Variants in GSTA2 observed in about 807,000 individuals in gnomAD.
GSTA2 encodes glutathione S-transferase A2.
A neutral mutation model predicts 22.4 loss-of-function variants in GSTA2; 27 were observed. The ratio of observed to expected loss-of-function variants is 1.21; its 90% CI spans 0.89 to 1.67. The LOEUF is 1.67. Among genes scored for constraint, GSTA2 ranks in the 40% most tolerant of loss-of-function variants. The pLI, the probability that GSTA2 is intolerant of heterozygous loss-of-function variation, is 0.00. For missense variants in GSTA2, 302 were observed against 260.2 expected (o/e 1.16, Z -1.11); for synonymous variants, 121 against 86.8 (o/e 1.39, Z -2.19).
chr6:52,762,113 C>G (rs1762961406), intron 1 of GSTA2, among the ~76,000 whole-genome samples: 1 of 148,556 alleles, frequency 6.7e-6, no homozygotes, highest in Admixed American at 6.6e-5. Flanking sequence ...CCCAGGGACA[C>G]AAAACACTGC....
intron 4 of GSTA2, among the ~76,000 whole-genome samples, 180 bp downstream of exon 4, chr6:52,754,763 C>A (rs1484943519): frequency 6.6e-6 from 1 of 152,118 alleles, no homozygotes; most frequent in Non-Finnish European, 1.5e-5. Context: ...TCGCCTGAAC[C>A]CTCCCCATGT....
chr6:52,751,420 C>T (rs577964113), intron 6 of GSTA2, among the ~76,000 whole-genome samples, 157 bp downstream of exon 6: 11 of 152,204 alleles, frequency 7.2e-5, no homozygotes, highest in African/African-American at 2.4e-4. Flanking sequence ...GTTTTCATTC[C>T]TCAAAATTGG....
chr6:52,752,930 T>C lies in GSTA2; in HGVS notation c.338A>G (p.Gln113Arg). Residue 113 changes from glutamine to arginine, a missense_variant, in exon 5 of 7, where the codon CAA becomes CGA. Coordinates refer to ENST00000493422, the MANE Select transcript of GSTA2 (RefSeq NM_000846.5). ...AAGCTTGGCATCTTGTTCCTCAGGT[T>C]GACTAAAGGGCAGAAGAAGGATCAT... is the stretch of plus-strand genomic sequence containing the variant. ...GEMILLLPFS[Q>R]PEEQDAKLAL... 6.2e-7 allele frequency: 1 copy of C among 1,614,028 alleles called. No homozygotes were observed. The highest frequency in any genetic ancestry group is 8.5e-7 in the Non-Finnish European group (1 of 1,179,902).
intron 4 of GSTA2, among the ~76,000 whole-genome samples, chr6:52,754,617 C>G (rs143803123): frequency 6.6e-6 from 1 of 152,136 alleles, no homozygotes; most frequent in Non-Finnish European, 1.5e-5. Context: ...AGCCATTGGC[C>G]GGGGTCCAGC....
Position 52,751,369 on chromosome 6 carries a change from G to A in GSTA2, c.546+208C>T, listed in dbSNP as rs569724416. On this transcript the variant is annotated intron_variant, in intron 6 of 6. Coordinates refer to ENST00000493422, the MANE Select transcript of GSTA2 (RefSeq NM_000846.5). ...TAATAAAAGGCAAAATACTCTTTGC[G>A]GGGTAGCATGCACTACAAATTTCCT... Among the ~76,000 whole-genome samples, 24 of 152,224 alleles carry A rather than the reference G, an allele frequency of 1.6e-4. 1 individual carries two copies. In the South Asian group the frequency reaches 1.9e-3, roughly 12 times the overall value.
Position 52,758,577 on chromosome 6 carries a change from C to T in GSTA2, c.-30-600G>A, listed in dbSNP as rs1054305313. 6.6e-5 allele frequency among the ~76,000 whole-genome samples: 10 copies of T among 152,246 alleles called. No homozygotes were observed. The East Asian group carries it at 1.2e-3, about 18-fold the overall frequency. On this transcript the variant is annotated intron_variant, in intron 1 of 6. Coordinates refer to ENST00000493422, the MANE Select transcript of GSTA2 (RefSeq NM_000846.5). Reference sequence around the variant, plus strand: ...AGAGGATGTCACTGACAGGGAGGACCGGCTGGGAGCTAAATCACTCTTCAG... The same window carrying T: ...AGAGGATGTCACTGACAGGGAGGACTGGCTGGGAGCTAAATCACTCTTCAG...
chr6:52,756,377 C>A, intron 2 of GSTA2, 68 bp from the exon 3 acceptor site: 2 of 1,226,468 alleles, frequency 1.6e-6, no homozygotes, highest in East Asian at 4.7e-5. Flanking sequence ...AATTGAATGG[C>A]CTCTATCTGG....
At position 52,752,917 on chromosome 6, in the gene GSTA2, T is replaced by C. The variant is rs200252041; in HGVS notation, c.351A>G (p.Gln117=). 6.2e-7 allele frequency: 1 copy of C among 1,614,122 alleles called. No individual in the cohort carries two copies. Among genetic ancestry groups the C allele is most frequent in the Non-Finnish European group, 8.5e-7 (1 of 1,179,966 alleles). Reference sequence around the variant, plus strand: ...CTTGGATCAAGGCAAGCTTGGCATCTTGTTCCTCAGGTTGACTAAAGGGCA... The same window carrying C: ...CTTGGATCAAGGCAAGCTTGGCATCCTGTTCCTCAGGTTGACTAAAGGGCA... ...LLLPFSQPEE[Q]DAKLALIQEK... The change falls in exon 5 of 7, where the codon CAA becomes CAG. Residue 117 remains glutamine (Q), a synonymous_variant. Coordinates refer to ENST00000493422, the MANE Select transcript of GSTA2 (RefSeq NM_000846.5).
Position 52,752,867 on chromosome 6 carries a change from G to A in GSTA2, c.401C>T (p.Pro134Leu), listed in dbSNP as rs750085076. ...IQEKTKNRYF[P>L]AFEKVLKSHG... ...AGCTTCACTTACTTTTTCAAAGGCA[G>A]GGAAGTAGCGATTTTTTGTTTTCTC... The change falls in exon 5 of 7, where the codon CCT (proline) becomes CTT (leucine). Residue 134 changes from proline to leucine, a missense_variant. Transcript: ENST00000493422. 10 of 1,613,870 alleles carry A rather than the reference G, an allele frequency of 6.2e-6. No individual in the cohort carries two copies. The highest frequency in any genetic ancestry group is 7.6e-6 in the Non-Finnish European group (9 of 1,179,878).
chr6:52,751,683 T>A lies in GSTA2; in HGVS notation c.440A>T (p.Tyr147Phe). 1 of 1,614,122 alleles carries A rather than the reference T, an allele frequency of 6.2e-7. No individual in the cohort carries two copies. The highest frequency in any genetic ancestry group is 8.5e-7 in the Non-Finnish European group (1 of 1,179,998). Residue 147 changes from tyrosine to phenylalanine, a missense_variant, in exon 6 of 7, where the codon TAC (tyrosine) becomes TTC (phenylalanine). Physicochemically the swap from Tyr to Phe is conservative, Grantham distance 22. Coordinates refer to ENST00000493422, the MANE Select transcript of GSTA2 (RefSeq NM_000846.5). ...EKVLKSHGQD[Y>F]LVGNKLSRAD... ...CCGGCTCAGCTTGTTGCCAACAAGG[T>A]AGTCTTGTCCGTGGCTCTTTAAGAC...
At position 52,755,088 on chromosome 6, in the gene GSTA2, G is replaced by T; in HGVS notation, c.140-13C>A. 6.2e-7 allele frequency: 1 copy of T among 1,601,180 alleles called. No individual in the cohort carries two copies. The highest frequency in any genetic ancestry group is 8.5e-7 in the Non-Finnish European group (1 of 1,176,388). On this transcript the variant is annotated splice_polypyrimidine_tract_variant and intron_variant, in intron 3 of 6. Coordinates refer to ENST00000493422, the MANE Select transcript of GSTA2 (RefSeq NM_000846.5). ...ATCAAATATCCATCTTTAAGAGGAAGAAAAAAAAGGAGAGTGAAGTGTCTA... is the reference window on the plus strand; with the variant it reads ...ATCAAATATCCATCTTTAAGAGGAATAAAAAAAAGGAGAGTGAAGTGTCTA...
rs73740536 is a variant in GSTA2, at chr6:52,756,379, T to C, written c.88-70A>G. ...TATAGACCTGTGAAATTGAATGGCCTCTATCTGGTGCATCATTTGGAGAAT... is the reference window on the plus strand; with the variant it reads ...TATAGACCTGTGAAATTGAATGGCCCCTATCTGGTGCATCATTTGGAGAAT... On this transcript the variant is annotated intron_variant, in intron 2 of 6. Coordinates refer to ENST00000493422, the MANE Select transcript of GSTA2 (RefSeq NM_000846.5). The C allele has an allele frequency of 4.2e-3, 5,040 of 1,197,048 alleles. 158 individuals carry two copies. The African/African-American group carries it at 0.063, about 15-fold the overall frequency. The allele number at this position is 1,197,048 out of a possible 1,614,324, so 74.2% of individuals were successfully genotyped here.
Position 52,752,755 on chromosome 6 carries a change from T to C in GSTA2, c.414+99A>G. The C allele has an allele frequency of 3.5e-6, 5 of 1,443,968 alleles. No homozygotes were observed. The East Asian group carries it at 6.9e-5, about 20-fold the overall frequency. 89.4% of individuals were successfully genotyped at this position (1,443,968 alleles called of 1,614,324 possible). A position where few individuals can be genotyped will look rare whatever the true frequency, so the allele number is the denominator to read the frequency against. ...GTGCTGCATTGGTGTCCAGGAAGTA[T>C]CACTGAAAGTGAAGATCAGTGCCCC... On this transcript the variant is annotated intron_variant, in intron 5 of 6. Coordinates refer to ENST00000493422, the MANE Select transcript of GSTA2 (RefSeq NM_000846.5).
At chr6:52,756,072 T>G (rs1762837118) in intron 3 of GSTA2, among the ~76,000 whole-genome samples, 186 bp downstream of exon 3, 1 of 152,180 alleles carries the variant, frequency 6.6e-6, no homozygotes, top group African/African-American at 2.4e-5. Flanking sequence ...GGTCTGGTCC[T>G]TTAAGCCTGG....
At chr6:52,756,782 C>T (rs1304264910) in intron 2 of GSTA2, among the ~76,000 whole-genome samples, 1 of 152,270 alleles carries the variant, frequency 6.6e-6, no homozygotes, top group Non-Finnish European at 1.5e-5. Context: ...CTCAGGAACC[C>T]TGCTAAGGGT....
chr6:52,762,653 C>T (rs988794728), intron 1 of GSTA2, among the ~76,000 whole-genome samples: 6 of 152,294 alleles, frequency 3.9e-5, no homozygotes, highest in East Asian at 3.9e-4. Flanking sequence ...CTGGCGCCAG[C>T]GCAGGTCCTC....
intron 1 of GSTA2, among the ~76,000 whole-genome samples, chr6:52,762,066 C>T (rs1358357748): frequency 6.9e-6 from 1 of 145,654 alleles, no homozygotes; most frequent in Non-Finnish European, 1.5e-5. Flanking sequence ...AGGCAGTATG[C>T]TTGTTAAAAG....
chr6:52,752,776 G>A, intron 5 of GSTA2, 78 bp downstream of exon 5: 2 of 1,566,672 alleles, frequency 1.3e-6, no homozygotes, highest in African/African-American at 1.3e-5. Flanking sequence ...GAAGATCAGT[G>A]CCCCAGGAAT....
chr6:52,760,892 T>C (rs1762939899), intron 1 of GSTA2, among the ~76,000 whole-genome samples: 1 of 152,138 alleles, frequency 6.6e-6, no homozygotes, highest in South Asian at 2.1e-4. Context: ...TTTACATCAA[T>C]AATTAATTTA....
Sources: gnomAD v4.1 joint callset for allele counts (sites outside exome capture counted in the v4.1 genomes callset) on GRCh38, gnomAD v4.1.1 for gene constraint, MANE v1.5 for transcripts, NCBI Gene and HGNC (gene_info 2026-07-23, HGNC 2026-07-21) for gene names.